Variants in ZNF66 observed in about 807,000 individuals in gnomAD.
ZNF66 encodes putative zinc finger protein 66.
ZNF66 carries 32 observed loss-of-function variants against 35.2 expected under a neutral mutation model. That is an observed-to-expected ratio of 0.91 (90% CI 0.69 to 1.22). The LOEUF (loss-of-function observed/expected upper bound fraction) is 1.22, where lower values mean the gene tolerates loss of function less well. ZNF66 is among the 50% of genes most tolerant of loss of function. ZNF66 has a pLI of 0.00. For missense variants in ZNF66, 666 were observed against 543.1 expected (o/e 1.23, Z -2.25); for synonymous variants, 231 against 181.3 (o/e 1.27, Z -2.20).
At chr19:20,804,984 G>A (rs550719372) in intron 3 of ZNF66, among the ~76,000 whole-genome samples, 22 of 152,034 alleles carry the variant, frequency 1.4e-4, no homozygotes, top group Middle Eastern at 3.2e-3. Context: ...ATTTCCTTCA[G>A]CATTTTATGT....
intron 3 of ZNF66, among the ~76,000 whole-genome samples, chr19:20,795,175 G>A (rs1200920491): frequency 6.7e-6 from 1 of 149,484 alleles, no homozygotes; most frequent in Non-Finnish European, 1.5e-5. Flanking sequence ...ATGCCTGGCT[G>A]GATTTTTTTA....
chr19:20,781,916 AT>A (rs1971249227), intron 1 of ZNF66, among the ~76,000 whole-genome samples: 1 of 151,748 alleles, frequency 6.6e-6, no homozygotes, highest in African/African-American at 2.4e-5. Context: ...TACGTACCAT[AT>A]TTTGTTTTGA....
chr19:20,805,961 G>A lies in ZNF66; in HGVS notation c.361G>A (p.Asp121Asn), dbSNP rs760383712. Reference sequence around the variant, plus strand: ...GTTAAAAAAAGGCTGTGAAAGTGTGGATAAGTGTAAAGTGCACAAAAGAGG... The same window carrying A: ...GTTAAAAAAAGGCTGTGAAAGTGTGAATAAGTGTAAAGTGCACAAAAGAGG... ...LQLKKGCESV[D>N]KCKVHKRGYN... is the part of the protein sequence containing the mutation. Residue 121 changes from aspartate to asparagine, a missense_variant, in exon 4 of 4, where the codon GAT (aspartate) becomes AAT (asparagine). Transcript: ENST00000344519. 9.7e-6 allele frequency: 7 copies of A among 721,204 alleles called. No individual in the cohort carries two copies. The highest frequency in any genetic ancestry group is 7.0e-5 in the South Asian group (4 of 57,086). The allele number at this position is 721,204 out of a possible 1,614,324, so 44.7% of individuals were successfully genotyped here. A position where few individuals can be genotyped will look rare whatever the true frequency, so the allele number is the denominator to read the frequency against.
At chr19:20,793,332 C>CTTTTCTTTTCTTTTTTTT (rs1555782697) in intron 2 of ZNF66, among the ~76,000 whole-genome samples, 1 of 84,610 alleles carries the variant, frequency 1.2e-5, no homozygotes, top group Non-Finnish European at 2.2e-5. Flanking sequence ...CTTTTCTTTT[C>CTTTTCTTTTCTTTTTTTT]TTTTTTTTTT....
chr19:20,779,496 A>T (rs1971225900), intron 1 of ZNF66, among the ~76,000 whole-genome samples: 1 of 148,566 alleles, frequency 6.7e-6, no homozygotes, highest in Non-Finnish European at 1.5e-5. Context: ...CAGGAGCCTG[A>T]GGGAGGGAAA....
chr19:20,805,126 T>TGTGTGTGTGAGA (rs752355466), intron 3 of ZNF66, among the ~76,000 whole-genome samples: 5 of 145,984 alleles, frequency 3.4e-5, no homozygotes, highest in African/African-American at 1.3e-4. Flanking sequence ...TGTGTGTGTG[T>TGTGTGTGTGAGA]GAGAGAGAGA....
intron 1 of ZNF66, among the ~76,000 whole-genome samples, chr19:20,777,642 T>A (rs971686643): frequency 4.9e-5 from 7 of 141,420 alleles, no homozygotes; most frequent in Admixed American, 2.1e-4. Flanking sequence ...TATTATTATT[T>A]TTTGAGACGG....
chr19:20,777,308 G>A (rs1221275677), intron 1 of ZNF66, among the ~76,000 whole-genome samples: 1 of 151,930 alleles, frequency 6.6e-6, no homozygotes, highest in Non-Finnish European at 1.5e-5. Flanking sequence ...GTTAGGTTTA[G>A]TAATGTAGTT....
Position 20,805,924 on chromosome 19 carries a change from T to C in ZNF66, c.324T>C (p.His108=). 1 of 678,116 alleles carries C rather than the reference T, an allele frequency of 1.5e-6. No homozygotes were observed. The highest frequency in any genetic ancestry group is 2.4e-5 in the Admixed American group (1 of 41,338). The allele number at this position is 678,116 out of a possible 1,614,324, so 42.0% of individuals were successfully genotyped here. A position where few individuals can be genotyped will look rare whatever the true frequency, so the allele number is the denominator to read the frequency against. The change falls in exon 4 of 4, where the codon CAT becomes CAC. Residue 108 remains histidine (H), a synonymous_variant. Transcript: ENST00000344519. ...TGAGAAGGCATAAAAAATGTGGACA[T>C]GATAATTTGCAGTTAAAAAAAGGCT... is the stretch of plus-strand genomic sequence containing the variant. ...LILRRHKKCG[H]DNLQLKKGCE...
Position 20,806,194 on chromosome 19 carries a change from G to A in ZNF66, c.594G>A (p.Glu198=), listed in dbSNP as rs745655244. The change falls in exon 4 of 4, where the codon GAG becomes GAA. Residue 198 remains glutamate (E), a synonymous_variant. Transcript: ENST00000344519. The part of the protein sequence containing the change: ...FTTHKKIHTG[E]KPYKCIECGK... ...CACATAAGAAAATTCATACTGGAGA[G>A]AAACCCTATAAATGTATAGAATGTG... is the stretch of plus-strand genomic sequence containing the variant. 8.2e-6 allele frequency: 11 copies of A among 1,339,448 alleles called. No individual in the cohort carries two copies. In the Admixed American group the frequency reaches 1.3e-4, roughly 16 times the overall value. 83.0% of individuals were successfully genotyped at this position (1,339,448 alleles called of 1,614,324 possible).
At position 20,807,452 on chromosome 19, in the gene ZNF66, C is replaced by G. The variant is rs901803886; in HGVS notation, c.*130C>G. On this transcript the variant is annotated 3_prime_UTR_variant, in exon 4 of 4. Coordinates refer to ENST00000344519, the MANE Select transcript of ZNF66 (RefSeq NM_001355197.2). Reference sequence around the variant, plus strand: ...AATATGAGAATTTATGGAACACAAACACTACAAATATAAAGAATGTGACAA... The same window carrying G: ...AATATGAGAATTTATGGAACACAAAGACTACAAATATAAAGAATGTGACAA... 4.6e-5 allele frequency: 25 copies of G among 541,818 alleles called. No individual in the cohort carries two copies. The highest frequency in any genetic ancestry group is 4.2e-4 in the African/African-American group (22 of 52,586). 33.6% of individuals were successfully genotyped at this position (541,818 alleles called of 1,614,324 possible). A position where few individuals can be genotyped will look rare whatever the true frequency, so the allele number is the denominator to read the frequency against.
intron 1 of ZNF66, among the ~76,000 whole-genome samples, chr19:20,791,189 G>T (rs369560414): frequency 6.6e-6 from 1 of 152,042 alleles, no homozygotes; most frequent in Non-Finnish European, 1.5e-5. Flanking sequence ...CAGGATTAAG[G>T]AATTGCTTAT....
intron 1 of ZNF66, among the ~76,000 whole-genome samples, chr19:20,788,436 T>G (rs1014598835): frequency 1.3e-5 from 2 of 151,996 alleles, no homozygotes; most frequent in Non-Finnish European, 2.9e-5. Flanking sequence ...TGAGACGGAG[T>G]CTGTGTCACC....
chr19:20,799,470 T>C (rs2144910802), intron 3 of ZNF66: 1 of 151,716 alleles, frequency 6.6e-6, no homozygotes, highest in African/African-American at 2.4e-5. Flanking sequence ...ATTTTATTTT[T>C]ACACCTAATG....
intron 3 of ZNF66, among the ~76,000 whole-genome samples, chr19:20,799,921 ATATTTGTG>A (rs1971432751): frequency 1.3e-5 from 2 of 152,166 alleles, no homozygotes; most frequent in Non-Finnish European, 2.9e-5. Context: ...TCATATTCAC[ATATTTGTG>A]AATCTGCCAG....
chr19:20,784,562 C>T (rs1268867889), intron 1 of ZNF66: 1 of 152,154 alleles, frequency 6.6e-6, no homozygotes, highest in Non-Finnish European at 1.5e-5. Context: ...TAATATATTC[C>T]ACTATACGAA....
chr19:20,778,535 G>A (rs1362478916), intron 1 of ZNF66, among the ~76,000 whole-genome samples: 1 of 152,152 alleles, frequency 6.6e-6, no homozygotes, highest in Non-Finnish European at 1.5e-5. Context: ...TGTAGTTTCA[G>A]CACTTTGGGA....
intron 1 of ZNF66, among the ~76,000 whole-genome samples, chr19:20,792,257 T>G (rs962034387): frequency 1.3e-5 from 2 of 152,240 alleles, no homozygotes; most frequent in African/African-American, 4.8e-5. Flanking sequence ...ATGTTTGTGT[T>G]CATGCCCTTA....
At chr19:20,804,914 T>C (rs1020654752) in intron 3 of ZNF66, among the ~76,000 whole-genome samples, 1 of 152,180 alleles carries the variant, frequency 6.6e-6, no homozygotes, top group African/African-American at 2.4e-5. Flanking sequence ...GTATCTCTGC[T>C]TCTGTGACAT....
Sources: allele counts gnomAD v4.1 joint callset (sites outside exome capture counted in the v4.1 genomes callset), GRCh38; gene constraint gnomAD v4.1.1; transcripts MANE v1.5; gene names NCBI Gene and HGNC (gene_info 2026-07-23, HGNC 2026-07-21).